Variants in PDE4D observed in about 807,000 individuals in gnomAD.
PDE4D encodes phosphodiesterase 4D.
A neutral mutation model predicts 87.4 loss-of-function variants in PDE4D; 24 were observed. The observed-to-expected ratio is 0.27, with a 90% CI of 0.20 to 0.39. The LOEUF (loss-of-function observed/expected upper bound fraction) is 0.39, where lower values mean the gene tolerates loss of function less well. Among genes scored for constraint, PDE4D ranks in the 10% least tolerant of loss-of-function variants. The pLI, the probability that PDE4D is intolerant of heterozygous loss-of-function variation, is 1.00. For synonymous variants in PDE4D, 384 were observed against 383.2 expected (o/e 1.00, Z -0.02); for missense variants, 714 against 1,041.0 (o/e 0.69, Z 4.32).
At chr5:59,765,754 C>T (rs907925966) in intron 1 of PDE4D, among the ~76,000 whole-genome samples, 1 of 152,144 alleles carries the variant, frequency 6.6e-6, no homozygotes, top group Non-Finnish European at 1.5e-5. Flanking sequence ...TGCCTCCCCA[C>T]AAAAAGCAGA....
At position 59,308,666 on chromosome 5, in the gene PDE4D, TG is replaced by T. The variant is rs1771915072; in HGVS notation, c.456-92699del. On this transcript the variant is annotated intron_variant, in intron 1 of 14. Coordinates refer to ENST00000340635, the MANE Select transcript of PDE4D (RefSeq NM_001104631.2). Reference sequence around the variant, plus strand: ...CTGTTCTGGTGCAGGGGGTAGGGGTTGGGGGGCGCAATGGGCTCTGTGGGGG... The same window carrying T: ...CTGTTCTGGTGCAGGGGGTAGGGGTTGGGGGCGCAATGGGCTCTGTGGGGG... 1.4e-5 allele frequency among the ~76,000 whole-genome samples: 2 copies of T among 145,988 alleles called. 1 individual carries two copies. The highest frequency in any genetic ancestry group is 4.4e-4 in the East Asian group (2 of 4,582).
At chr5:58,993,499 A>C in intron 6 of PDE4D, 34 bp from the exon 7 acceptor site, 1 of 1,390,812 alleles carries the variant, frequency 7.2e-7, no homozygotes. Context: ...AAATAATAGA[A>C]GAGGAAAATT....
At chr5:60,121,498 T>A (rs566751178) in intron 2 of PDE4D, among the ~76,000 whole-genome samples, 1 of 152,184 alleles carries the variant, frequency 6.6e-6, no homozygotes, top group South Asian at 2.1e-4. Context: ...AGGCACTTCT[T>A]ACAAGTTGGT....
chr5:60,279,698 T>A (rs1002233687), intron 1 of PDE4D, among the ~76,000 whole-genome samples: 3 of 151,538 alleles, frequency 2.0e-5, no homozygotes, highest in Non-Finnish European at 4.4e-5. Flanking sequence ...TTTTTTTTTT[T>A]TCTTGAGACA....
chr5:59,970,209 C>T (rs930706688), intron 3 of PDE4D, among the ~76,000 whole-genome samples: 1 of 152,112 alleles, frequency 6.6e-6, no homozygotes, highest in African/African-American at 2.4e-5. Flanking sequence ...TCAGGGACAA[C>T]TTTTGATTAA....
intron 3 of PDE4D, among the ~76,000 whole-genome samples, chr5:59,985,151 T>TTTTTTTTGGTG (rs1762322826): frequency 7.5e-6 from 1 of 133,184 alleles, no homozygotes. Flanking sequence ...TTTTGTTTTT[T>TTTTTTTTGGTG]ATTTTGAGAC....
intron 1 of PDE4D, among the ~76,000 whole-genome samples, chr5:59,835,821 C>T (rs561324667): frequency 1.3e-3 from 204 of 151,884 alleles, no homozygotes; most frequent in Non-Finnish European, 2.7e-3. Flanking sequence ...GTCCTGGGCT[C>T]GAAATCTATG....
At chr5:59,260,648 C>T (rs984277589) in intron 1 of PDE4D, among the ~76,000 whole-genome samples, 1 of 151,554 alleles carries the variant, frequency 6.6e-6, no homozygotes, top group Non-Finnish European at 1.5e-5. Flanking sequence ...AACTTCTGTA[C>T]TTTATTCAGG....
intron 2 of PDE4D, chr5:60,127,510 G>A: frequency 2.4e-6 from 1 of 423,036 alleles, no homozygotes; most frequent in Non-Finnish European, 4.2e-6. Flanking sequence ...CCCCGGGAAA[G>A]ATGAAGAGAG....
intron 2 of PDE4D, among the ~76,000 whole-genome samples, chr5:60,116,723 A>T (rs1778205422): frequency 6.6e-6 from 1 of 152,118 alleles, no homozygotes; most frequent in African/African-American, 2.4e-5. Flanking sequence ...GCAGGAAAAA[A>T]TTAAATTCTT....
chr5:60,121,450 G>A (rs1302973205), intron 2 of PDE4D, among the ~76,000 whole-genome samples: 1 of 152,122 alleles, frequency 6.6e-6, no homozygotes, highest in Admixed American at 6.6e-5. Context: ...ACACTTCCAT[G>A]TGTCTGGGGA....
intron 1 of PDE4D, among the ~76,000 whole-genome samples, chr5:59,713,883 C>A (rs1324102100): frequency 6.6e-6 from 1 of 152,166 alleles, no homozygotes; most frequent in Non-Finnish European, 1.5e-5. Context: ...CAGGAAAGGG[C>A]CTTTTGGGCA....
chr5:60,067,852 A>G (rs1772276850), intron 2 of PDE4D, among the ~76,000 whole-genome samples: 1 of 152,196 alleles, frequency 6.6e-6, no homozygotes, highest in Non-Finnish European at 1.5e-5. Context: ...TATTTCACTT[A>G]GCACAATGTC....
intron 2 of PDE4D, among the ~76,000 whole-genome samples, chr5:60,047,824 A>G: frequency 6.6e-6 from 1 of 151,992 alleles, no homozygotes; most frequent in East Asian, 1.9e-4. Flanking sequence ...TGTGGTGCTG[A>G]AAAAAATGTA....
At chr5:59,991,069 C>T (rs1346177301) in intron 2 of PDE4D, among the ~76,000 whole-genome samples, 1 of 152,142 alleles carries the variant, frequency 6.6e-6, no homozygotes, top group Admixed American at 6.5e-5. Flanking sequence ...ACTCAATAAG[C>T]TTCACATTTT....
At chr5:59,968,828 C>T (rs368723650) in intron 3 of PDE4D, among the ~76,000 whole-genome samples, 4 of 152,128 alleles carry the variant, frequency 2.6e-5, no homozygotes, top group East Asian at 3.8e-4. Context: ...ACCGTAGCAT[C>T]ATCCTGAGTA....
At chr5:60,355,763 A>G (rs1205135808) in intron 1 of PDE4D, among the ~76,000 whole-genome samples, 1 of 152,062 alleles carries the variant, frequency 6.6e-6, no homozygotes, top group African/African-American at 2.4e-5. Flanking sequence ...TAAGAAAATC[A>G]TAAGGAAAAG....
At chr5:60,143,602 A>ATT (rs1562146287) in intron 2 of PDE4D, among the ~76,000 whole-genome samples, 9 of 94,224 alleles carry the variant, frequency 9.6e-5, no homozygotes, top group African/African-American at 4.3e-4. Context: ...CAGCTTGGGA[A>ATT]TTGTGTGTGT....
chr5:59,738,750 TA>T (rs1758435614), intron 1 of PDE4D, among the ~76,000 whole-genome samples: 1 of 151,802 alleles, frequency 6.6e-6, no homozygotes, highest in Admixed American at 6.6e-5. Context: ...TATTTATCTT[TA>T]ATATTCTATA....
Sources: allele counts gnomAD v4.1 joint callset (sites outside exome capture counted in the v4.1 genomes callset), GRCh38; gene constraint gnomAD v4.1.1; transcripts MANE v1.5; gene names NCBI Gene and HGNC (gene_info 2026-07-23, HGNC 2026-07-21).